Variants in OTOA observed in about 807,000 individuals in gnomAD.
OTOA encodes the protein cancer/testis antigen 108.
A neutral mutation model predicts 110.8 loss-of-function variants in OTOA; 70 were observed. The observed-to-expected ratio is 0.63, with a 90% CI of 0.52 to 0.77. OTOA has a LOEUF of 0.77. Among genes scored for constraint, OTOA ranks in the 30% least tolerant of loss-of-function variants. The pLI is 0.00. For synonymous variants in OTOA, 373 were observed against 431.5 expected (o/e 0.86, Z 1.68); for missense variants, 917 against 1,075.8 (o/e 0.85, Z 2.06).
At chr16:21,707,473 C>T (rs187577602) in intron 12 of OTOA, among the ~76,000 whole-genome samples, 13 of 152,046 alleles carry the variant, frequency 8.6e-5, no homozygotes, top group East Asian at 3.9e-4. Flanking sequence ...AATTTTTTTC[C>T]GTGGACTGGG....
intron 20 of OTOA, among the ~76,000 whole-genome samples, chr16:21,728,723 G>T (rs1344809011): frequency 6.6e-6 from 1 of 151,854 alleles, no homozygotes; most frequent in Non-Finnish European, 1.5e-5. Flanking sequence ...CGAGTAGCTG[G>T]GATTACAGGC....
intron 21 of OTOA, among the ~76,000 whole-genome samples, chr16:21,735,556 A>G (rs1225519980): frequency 6.6e-6 from 1 of 152,124 alleles, no homozygotes; most frequent in Non-Finnish European, 1.5e-5. Context: ...AAACTTAGAA[A>G]TAGCACCAAA....
At chr16:21,736,968 G>A (rs1334663468) in intron 22 of OTOA, among the ~76,000 whole-genome samples, 1 of 152,308 alleles carries the variant, frequency 6.6e-6, no homozygotes, top group Non-Finnish European at 1.5e-5. Flanking sequence ...ATGGATTAGT[G>A]GTTTAACATA....
rs760032419 is a variant in OTOA at position 21,679,070 on chromosome 16, A to G, written c.151+4A>G. 3.1e-6 allele frequency: 5 copies of G among 1,613,778 alleles called. No homozygotes were observed. In the East Asian group the frequency reaches 6.7e-5, roughly 22 times the overall value. On this transcript the variant is annotated splice_donor_region_variant and intron_variant, in intron 4 of 28. Transcript: ENST00000646100. ...ATAGATGGAAGCTATCTGAATGGTA[A>G]TGTGCCCCCTTGATCTCCACTTGCT...
At chr16:21,686,807 C>T (rs1000240433) in intron 7 of OTOA, among the ~76,000 whole-genome samples, 2 of 152,056 alleles carry the variant, frequency 1.3e-5, no homozygotes, top group African/African-American at 4.8e-5. Context: ...GTGGGAGGAT[C>T]GCTCAATCCC....
At chr16:21,715,611 T>C (rs1008418839) in intron 14 of OTOA, among the ~76,000 whole-genome samples, 11 of 151,758 alleles carry the variant, frequency 7.2e-5, no homozygotes, top group Admixed American at 2.0e-4. Context: ...TTTAACTTTT[T>C]GTAGAGACAT....
At chr16:21,690,951 G>A (rs1417751688) in intron 8 of OTOA, among the ~76,000 whole-genome samples, 1 of 151,542 alleles carries the variant, frequency 6.6e-6, no homozygotes, top group African/African-American at 2.4e-5. Flanking sequence ...ATCTCCTAAT[G>A]CTATCCCCAC....
At chr16:21,684,325 G>C in intron 6 of OTOA, 9 of 1,360,838 alleles carry the variant, frequency 6.6e-6, no homozygotes, top group Non-Finnish European at 7.6e-6. Context: ...CTGTTTAACG[G>C]AGATTTAGAG....
chr16:21,708,978 A>G (rs142027608), intron 12 of OTOA, among the ~76,000 whole-genome samples: 103 of 152,322 alleles, frequency 6.8e-4, no homozygotes, highest in Middle Eastern at 3.4e-3. Flanking sequence ...AAGAAGAGTA[A>G]ATTGTGCTTC....
Position 21,678,567 on chromosome 16 carries a change from A to G in OTOA, c.53A>G (p.His18Arg), listed in dbSNP as rs1329708498. The change falls in exon 2 of 29, where the codon CAT becomes CGT. Residue 18 changes from histidine (H) to arginine (R), a missense_variant. Physicochemically the swap from His to Arg is conservative, Grantham distance 29. Coordinates refer to ENST00000646100, the MANE Select transcript of OTOA (RefSeq NM_144672.4). ...YSLFLFLFLS[H>R]GVSSYTVPNS... ...CTTTTCCTATTCCTTTTTCTGAGCC[A>G]TGGAGTGTCGAGTTATACAGTGCCA... 11 of 1,613,972 alleles carry G rather than the reference A, an allele frequency of 6.8e-6. No homozygotes were observed. The highest frequency in any genetic ancestry group is 9.3e-6 in the Non-Finnish European group (11 of 1,179,988).
At chr16:21,697,037 C>CTTGTTT (rs1897957054) in intron 9 of OTOA, among the ~76,000 whole-genome samples, 1 of 65,034 alleles carries the variant, frequency 1.5e-5, no homozygotes, top group Non-Finnish European at 2.6e-5. Flanking sequence ...CTACAGCTGG[C>CTTGTTT]TTTTTTTTTT....
intron 6 of OTOA, among the ~76,000 whole-genome samples, chr16:21,682,096 A>G (rs551958194): frequency 2.9e-4 from 44 of 152,324 alleles, no homozygotes; most frequent in African/African-American, 1.1e-3. Flanking sequence ...CAAACAATTT[A>G]GTTTATTTCT....
At chr16:21,689,864 T>A (rs1371613899) in intron 8 of OTOA, among the ~76,000 whole-genome samples, 1 of 152,078 alleles carries the variant, frequency 6.6e-6, no homozygotes, top group Non-Finnish European at 1.5e-5. Flanking sequence ...TTTTGTATTT[T>A]TAGTAGAGAC....
At chr16:21,668,287 T>C (rs1358776471) in intron 1 of OTOA, among the ~76,000 whole-genome samples, 1 of 152,162 alleles carries the variant, frequency 6.6e-6, no homozygotes, top group African/African-American at 2.4e-5. Flanking sequence ...TTTTAAATGT[T>C]TTTATAGAGA....
Position 21,710,196 on chromosome 16 carries a change from A to G in OTOA, c.1320+93A>G, listed in dbSNP as rs1898314830. 4.1e-5 allele frequency: 51 copies of G among 1,243,750 alleles called. 2 individuals carry two copies. In the South Asian group the frequency reaches 6.4e-4, roughly 15 times the overall value. The allele number at this position is 1,243,750 out of a possible 1,614,324, so 77.0% of individuals were successfully genotyped here. A position where few individuals can be genotyped will look rare whatever the true frequency, so the allele number is the denominator to read the frequency against. On this transcript the variant is annotated intron_variant, in intron 13 of 28. Coordinates refer to ENST00000646100, the MANE Select transcript of OTOA (RefSeq NM_144672.4). ...TGCCATAAAAATATACTGTAGATTG[A>G]GTGACGTAAACAACATAAATTTATT... is the stretch of plus-strand genomic sequence containing the variant.
rs1240226169 is a variant in OTOA at position 21,719,394 on chromosome 16, C to T, written c.1696C>T (p.Gln566Ter). The stretch of plus-strand genomic sequence containing the variant: ...CCTTGTTTTGTTTTCTAGTGCTGGG[C>T]AGCTGGTCAAAGGCGTGACCTGCTC... ...RRPEELLSAGQLVKGVTCSHI... is the reference protein window; with the variant it reads ...RRPEELLSAG Residue 566 changes from glutamine (Q) to a stop codon, truncating the protein, a stop_gained, in exon 17 of 29, where the codon CAG becomes TAG. Transcript: ENST00000646100. LOFTEE classifies it high-confidence loss of function. 7 of 1,613,766 alleles carry T rather than the reference C, an allele frequency of 4.3e-6. No homozygotes were observed. Among genetic ancestry groups the T allele is most frequent in the Non-Finnish European group, 5.9e-6 (7 of 1,179,798 alleles).
chr16:21,679,248 A>T, intron 5 of OTOA, 37 bp downstream of exon 5: 6 of 1,600,588 alleles, frequency 3.7e-6, no homozygotes, highest in Non-Finnish European at 5.1e-6. Context: ...GGGATGGTAT[A>T]GATTTTTAAT....
At chr16:21,684,959 C>G (rs1478288622) in intron 6 of OTOA, among the ~76,000 whole-genome samples, 2 of 151,944 alleles carry the variant, frequency 1.3e-5, no homozygotes, top group Admixed American at 1.3e-4. Flanking sequence ...ACCATGTTGG[C>G]CAGGATGGTC....
intron 21 of OTOA, among the ~76,000 whole-genome samples, chr16:21,732,507 C>T (rs536790375): frequency 6.6e-6 from 1 of 151,966 alleles, no homozygotes; most frequent in Non-Finnish European, 1.5e-5. Flanking sequence ...CCATCCAAGT[C>T]CCCAAAGCCC....
Sources: gnomAD v4.1 joint callset for allele counts (sites outside exome capture counted in the v4.1 genomes callset) on GRCh38, gnomAD v4.1.1 for gene constraint, MANE v1.5 for transcripts, NCBI Gene and HGNC (gene_info 2026-07-23, HGNC 2026-07-21) for gene names.